Variants in CNTNAP3B observed in about 807,000 individuals in gnomAD.
CNTNAP3B encodes the protein contactin associated protein family member 3B.
A neutral mutation model predicts 108.9 loss-of-function variants in CNTNAP3B; 25 were observed. The observed-to-expected ratio is 0.23, with a 90% confidence interval of 0.17 to 0.32. The LOEUF (loss-of-function observed/expected upper bound fraction) is 0.32, where lower values mean the gene tolerates loss of function less well. Ranked by LOEUF, CNTNAP3B falls within the 10% of genes least tolerant of loss-of-function variation. The pLI, the probability that CNTNAP3B is intolerant of heterozygous loss-of-function variation, is 1.00. For synonymous variants in CNTNAP3B, 103 were observed against 473.4 expected, an observed-to-expected ratio of 0.22 and a Z score of 10.16; for missense variants, 252 against 1,210.4, an observed-to-expected ratio of 0.21 and a Z score of 11.75.
chr9:41,926,194 C>T (rs1295789339), intron 15 of CNTNAP3B, among the ~76,000 whole-genome samples: 3 of 152,290 alleles, frequency 2.0e-5, no homozygotes, highest in Non-Finnish European at 2.9e-5. Flanking sequence ...ACTCTTTCCT[C>T]AGTGAGGTCA....
intron 9 of CNTNAP3B, among the ~76,000 whole-genome samples, chr9:41,982,951 A>G: frequency 7.5e-6 from 1 of 133,250 alleles, no homozygotes; most frequent in East Asian, 2.3e-4. Context: ...AGAAAACCAA[A>G]TACCATGTAT....
chr9:41,961,701 G>T (rs1339468799), intron 11 of CNTNAP3B, among the ~76,000 whole-genome samples: 1 of 152,300 alleles, frequency 6.6e-6, no homozygotes, highest in Non-Finnish European at 1.5e-5. Context: ...ATTTAAAAAA[G>T]AAACGTCCCT....
At chr9:41,916,208 A>G (rs1396755361) in intron 18 of CNTNAP3B, among the ~76,000 whole-genome samples, 1 of 148,246 alleles carries the variant, frequency 6.7e-6, no homozygotes, top group Non-Finnish European at 1.5e-5. Flanking sequence ...TCCTTATTTC[A>G]GTACAGCCTT....
chr9:42,053,473 A>G (rs1826996293), intron 3 of CNTNAP3B, among the ~76,000 whole-genome samples: 3 of 133,666 alleles, frequency 2.2e-5, no homozygotes, highest in South Asian at 4.9e-4. Flanking sequence ...CAAAGAGTAG[A>G]CAAGCCATTG....
At position 42,018,727 on chromosome 9, in the gene CNTNAP3B, T is replaced by C. The variant is rs934441508; in HGVS notation, c.391-5202A>G. On this transcript the variant is annotated intron_variant, in intron 3 of 23. Transcript: ENST00000377561. ...AGTTTCCTGTAAGTGATACATCATATGATGAACACAGGCTGCGAAGCTGGA... is the reference window on the plus strand; with the variant it reads ...AGTTTCCTGTAAGTGATACATCATACGATGAACACAGGCTGCGAAGCTGGA... 6.5e-4 allele frequency among the ~76,000 whole-genome samples: 99 copies of C among 151,682 alleles called. No homozygotes were observed. In the East Asian group the frequency reaches 0.019, roughly 28 times the overall value.
intron 1 of CNTNAP3B, among the ~76,000 whole-genome samples, chr9:42,121,403 T>C (rs993730137): frequency 7.2e-6 from 1 of 138,954 alleles, no homozygotes; most frequent in African/African-American, 2.9e-5. Context: ...CAGTGGACTT[T>C]CCAGAATGGA....
chr9:41,936,004 C>T (rs1300995883), intron 14 of CNTNAP3B, among the ~76,000 whole-genome samples: 12 of 152,232 alleles, frequency 7.9e-5, no homozygotes, highest in African/African-American at 2.9e-4. Flanking sequence ...CCTCTGGTTA[C>T]TGCCCTAAGC....
At chr9:42,114,737 G>A (rs1199708183) in intron 1 of CNTNAP3B, among the ~76,000 whole-genome samples, 2 of 129,570 alleles carry the variant, frequency 1.5e-5, no homozygotes, top group Admixed American at 1.6e-4. Flanking sequence ...ATGAAACCCA[G>A]AAAAAACATG....
chr9:41,968,702 G>T (rs932411018), intron 10 of CNTNAP3B, among the ~76,000 whole-genome samples: 2 of 142,002 alleles, frequency 1.4e-5, no homozygotes, highest in African/African-American at 5.5e-5. Flanking sequence ...TTTAGCCAGA[G>T]AAGATAATTT....
At chr9:41,991,183 G>C (rs1354168169) in intron 8 of CNTNAP3B, among the ~76,000 whole-genome samples, 1 of 100,726 alleles carries the variant, frequency 9.9e-6, no homozygotes, top group Non-Finnish European at 2.1e-5. Context: ...TAAAGTGATA[G>C]TTATCAATTG....
chr9:42,096,609 C>T (rs1827905391), intron 2 of CNTNAP3B, among the ~76,000 whole-genome samples: 1 of 127,808 alleles, frequency 7.8e-6, no homozygotes, highest in South Asian at 2.6e-4. Flanking sequence ...TACATGTCAT[C>T]CCACACAGAA....
chr9:41,940,746 C>T (rs1253439426), intron 13 of CNTNAP3B, among the ~76,000 whole-genome samples: 5 of 152,166 alleles, frequency 3.3e-5, no homozygotes, highest in African/African-American at 1.2e-4. Context: ...ACCCGGGAGG[C>T]GGAGCCTGCA....
chr9:41,965,035 A>T (rs1825227570), intron 10 of CNTNAP3B, among the ~76,000 whole-genome samples: 1 of 152,276 alleles, frequency 6.6e-6, no homozygotes, highest in Non-Finnish European at 1.5e-5. Context: ...CAGAGGGGAG[A>T]AGAAAGAAAC....
rs1826155707 is a variant in CNTNAP3B, at chr9:42,012,909, T to G, written c.538+469A>C. ...AGGTTCCCACCAAGTGAAGATCAAG[T>G]GAAGCGACAGCATGGTGTGCAAAAG... On this transcript the variant is annotated intron_variant, in intron 4 of 23. Coordinates refer to ENST00000377561, the MANE Select transcript of CNTNAP3B (RefSeq NM_001201380.3). 2.1e-5 allele frequency among the ~76,000 whole-genome samples: 2 copies of G among 96,058 alleles called. 1 individual carries two copies. Among genetic ancestry groups the G allele is most frequent in the African/African-American group, 7.9e-5 (2 of 25,280 alleles). The allele number at this position is 96,058 out of a possible 152,430, so 63.0% of individuals were successfully genotyped here. A position where few individuals can be genotyped will look rare whatever the true frequency, so the allele number is the denominator to read the frequency against.
In CNTNAP3B at chr9:42,099,289, C is replaced by T; in HGVS notation, c.196+5340G>A. Among the ~76,000 whole-genome samples the T allele has an allele frequency of 1.6e-5, 2 of 122,974 alleles. 1 individual carries two copies. Among genetic ancestry groups the T allele is most frequent in the Non-Finnish European group, 3.4e-5 (2 of 59,094 alleles). The allele number at this position is 122,974 out of a possible 152,430, so 80.7% of individuals were successfully genotyped here. A position where few individuals can be genotyped will look rare whatever the true frequency, so the allele number is the denominator to read the frequency against. ...TCATTAGGGCAGTTTCCACAGTGAC[C>T]CACATCATCAACAATGGCATGCATC... On this transcript the variant is annotated intron_variant, in intron 2 of 23. Coordinates refer to ENST00000377561, the MANE Select transcript of CNTNAP3B (RefSeq NM_001201380.3).
At position 42,106,323 on chromosome 9, in the gene CNTNAP3B, C is replaced by G. The variant is rs1273410022; in HGVS notation, c.86-1584G>C. 2.6e-5 allele frequency among the ~76,000 whole-genome samples: 2 copies of G among 75,580 alleles called. 1 individual carries two copies. Among genetic ancestry groups the G allele is most frequent in the African/African-American group, 1.0e-4 (2 of 19,078 alleles). 49.6% of individuals were successfully genotyped at this position (75,580 alleles called of 152,430 possible). A position where few individuals can be genotyped will look rare whatever the true frequency, so the allele number is the denominator to read the frequency against. On this transcript the variant is annotated intron_variant, in intron 1 of 23. Transcript: ENST00000377561. Reference sequence around the variant, plus strand: ...TAGGAACATTTTTCTATATATTCCCCATAAGTGACAATGTCACATTTATAC... The same window carrying G: ...TAGGAACATTTTTCTATATATTCCCGATAAGTGACAATGTCACATTTATAC...
chr9:42,103,649 T>A (rs77077225), intron 2 of CNTNAP3B, among the ~76,000 whole-genome samples: 1 of 68,490 alleles, frequency 1.5e-5, no homozygotes, highest in African/African-American at 5.3e-5. Flanking sequence ...GCAGGAGAAT[T>A]GTGTGAACCC....
At chr9:42,099,049 T>C (rs1827970774) in intron 2 of CNTNAP3B, among the ~76,000 whole-genome samples, 1 of 138,458 alleles carries the variant, frequency 7.2e-6, no homozygotes, top group South Asian at 2.3e-4. Context: ...TCCTAAGAAA[T>C]CAGTACCTGA....
intron 15 of CNTNAP3B, among the ~76,000 whole-genome samples, chr9:41,925,611 A>C (rs1163157244): frequency 1.3e-5 from 2 of 149,034 alleles, no homozygotes; most frequent in Admixed American, 6.6e-5. Flanking sequence ...ACAAACAAAC[A>C]AACCAAGAAA....
Sources: allele counts gnomAD v4.1 joint callset (sites outside exome capture counted in the v4.1 genomes callset), GRCh38; gene constraint gnomAD v4.1.1; transcripts MANE v1.5; gene names NCBI Gene and HGNC (gene_info 2026-07-23, HGNC 2026-07-21).